Variants in RPN1 observed in about 807,000 individuals in gnomAD.
RPN1 encodes the protein dolichyl-diphosphooligosaccharide--protein glycosyltransferase subunit 1.
Under a neutral mutation model 55.5 loss-of-function variants are expected in RPN1, and 12 were observed. That is an observed-to-expected ratio of 0.22 (90% CI 0.14 to 0.35). The LOEUF is 0.35. RPN1 is among the 10% of genes least tolerant of loss of function. The pLI is 1.00. For synonymous variants in RPN1, 317 were observed against 305.9 expected (o/e 1.04, Z -0.38); for missense variants, 679 against 761.3 (o/e 0.89, Z 1.27).
At position 128,632,052 on chromosome 3, in the gene RPN1, T is replaced by G. The variant is rs1281923715; in HGVS notation, c.739A>C (p.Asn247His). 6.2e-7 allele frequency: 1 copy of G among 1,614,064 alleles called. No individual in the cohort carries two copies. Among genetic ancestry groups the G allele is most frequent in the African/African-American group, 1.3e-5 (1 of 74,914 alleles). Residue 247 changes from asparagine (N) to histidine (H), a missense_variant, in exon 4 of 10, where the codon AAT (asparagine) becomes CAT (histidine). Physicochemically the swap from Asn to His is moderately conservative, Grantham distance 68. This residue lies in a region of RPN1 where 352 missense variants were observed against 352.8 expected (regional missense o/e 1.00). Transcript: ENST00000296255. ...GCTCCTGTGTGCTTTAAGTCCACAT[T>G]TTCTTCCACAGCAATATTACCCCAG... ...SHWGNIAVEE[N>H]VDLKHTGAVL...
At chr3:128,633,969 C>T (rs868847865) in intron 3 of RPN1, among the ~76,000 whole-genome samples, 8 of 149,636 alleles carry the variant, frequency 5.3e-5, no homozygotes. Flanking sequence ...GGCAACAGAG[C>T]GAGACTGTCT....
intron 2 of RPN1, among the ~76,000 whole-genome samples, chr3:128,641,733 C>A (rs934527535): frequency 2.0e-5 from 3 of 151,754 alleles, no homozygotes; most frequent in Admixed American, 2.0e-4. Context: ...CTCAGCCTCC[C>A]GAGTAGCTGG....
chr3:128,626,538 A>G (rs911430361), intron 6 of RPN1, among the ~76,000 whole-genome samples, 195 bp downstream of exon 6: 2 of 152,152 alleles, frequency 1.3e-5, no homozygotes, highest in Admixed American at 6.6e-5. Context: ...ACAGGAAGAA[A>G]ATCAAGGGGT....
At chr3:128,648,016 T>C (rs527700212) in intron 1 of RPN1, among the ~76,000 whole-genome samples, 1 of 152,238 alleles carries the variant, frequency 6.6e-6, no homozygotes, top group Non-Finnish European at 1.5e-5. Flanking sequence ...CCCAGCACTT[T>C]GGGAGGCCGA....
At chr3:128,643,719 C>G (rs555249107) in intron 2 of RPN1, among the ~76,000 whole-genome samples, 1 of 151,468 alleles carries the variant, frequency 6.6e-6, no homozygotes, top group African/African-American at 2.4e-5. Context: ...CACTTGAACC[C>G]GGGAGGAGGA....
intron 2 of RPN1, among the ~76,000 whole-genome samples, chr3:128,639,922 T>C (rs969421651): frequency 6.6e-6 from 1 of 152,098 alleles, no homozygotes; most frequent in African/African-American, 2.4e-5. Context: ...ATCATCCTCA[T>C]ATCAAGAAAA....
intron 3 of RPN1, among the ~76,000 whole-genome samples, chr3:128,635,644 T>TATAG (rs1316882114): frequency 0.011 from 877 of 76,306 alleles, 15 homozygotes; most frequent in African/African-American, 0.043. Flanking sequence ...TATATAGATA[T>TATAG]ATATATATAT....
At chr3:128,636,402 G>A (rs577213484) in intron 3 of RPN1, among the ~76,000 whole-genome samples, 10 of 151,752 alleles carry the variant, frequency 6.6e-5, no homozygotes, top group African/African-American at 1.5e-4. Flanking sequence ...CAGAGGTTGC[G>A]GTTAGCTGAG....
chr3:128,635,665 AGATATC>A (rs1428728080), intron 3 of RPN1, among the ~76,000 whole-genome samples: 7 of 119,406 alleles, frequency 5.9e-5, no homozygotes, highest in African/African-American at 2.1e-4. Flanking sequence ...ATATATATAT[AGATATC>A]TATAGATATC....
At chr3:128,642,184 T>G (rs1470631781) in intron 2 of RPN1, 1 of 152,202 alleles carries the variant, frequency 6.6e-6, no homozygotes, top group Admixed American at 6.5e-5. Flanking sequence ...TAATAGCGAC[T>G]TATTTAAAGC....
intron 8 of RPN1, among the ~76,000 whole-genome samples, chr3:128,623,538 G>A (rs1398069098): frequency 3.4e-5 from 4 of 115,946 alleles, no homozygotes; most frequent in South Asian, 2.8e-4. Context: ...ACTCTGTCTC[G>A]AGAAAAAAAA....
At chr3:128,634,088 G>A (rs574014793) in intron 3 of RPN1, among the ~76,000 whole-genome samples, 33 of 152,132 alleles carry the variant, frequency 2.2e-4, no homozygotes, top group African/African-American at 6.3e-4. Flanking sequence ...CACTTTGGGA[G>A]GCCAAAGTGG....
intron 3 of RPN1, among the ~76,000 whole-genome samples, chr3:128,635,957 A>T (rs1213762422): frequency 6.6e-6 from 1 of 151,912 alleles, no homozygotes; most frequent in Non-Finnish European, 1.5e-5. Context: ...AACTTGTTAT[A>T]TATGATTTTG....
In RPN1 at chr3:128,650,683, C is replaced by T; in HGVS notation, c.118G>A (p.Val40Met). Reference protein sequence around the residue: ...PLINEDVKRTVDLSSHLAKVT... With the variant: ...PLINEDVKRTMDLSSHLAKVT... ...TTAGCCAGGTGGCTGCTTAGGTCCACTGTGCGCTTCACGTCCTCATTGATC... is the reference window on the plus strand; with the variant it reads ...TTAGCCAGGTGGCTGCTTAGGTCCATTGTGCGCTTCACGTCCTCATTGATC... The change falls in exon 1 of 10, where the codon GTG becomes ATG. Residue 40 changes from valine (V) to methionine (M), a missense_variant. Around this residue, in one of 3 missense-constraint regions of RPN1, gnomAD observed 352 missense variants for 352.8 expected, o/e 1.00. Coordinates refer to ENST00000296255, the MANE Select transcript of RPN1 (RefSeq NM_002950.4). 1.3e-6 allele frequency: 2 copies of T among 1,572,764 alleles called. No homozygotes were observed. The highest frequency in any genetic ancestry group is 1.7e-6 in the Non-Finnish European group (2 of 1,159,060).
rs540328459 is a variant in RPN1 at position 128,647,080 on chromosome 3, T to A, written c.262-2097A>T. On this transcript the variant is annotated intron_variant, in intron 1 of 9. Transcript: ENST00000296255. ...ACAAGATACATAACCAGGAAAAGGA[T>A]GTTCACTCCAGCAGGCTGCAGGGGT... Among the ~76,000 whole-genome samples, 4 of 151,912 alleles carry A rather than the reference T, an allele frequency of 2.6e-5. No individual in the cohort carries two copies. In the South Asian group the frequency reaches 8.3e-4, roughly 32 times the overall value.
intron 1 of RPN1, among the ~76,000 whole-genome samples, chr3:128,649,544 G>T (rs986300877): frequency 1.3e-5 from 2 of 152,168 alleles, no homozygotes; most frequent in Non-Finnish European, 2.9e-5. Context: ...TCCATATTCA[G>T]TCAGAGAACG....
intron 9 of RPN1, among the ~76,000 whole-genome samples, chr3:128,620,838 C>A (rs1227779032): frequency 1.3e-5 from 2 of 152,328 alleles, no homozygotes; most frequent in African/African-American, 4.8e-5. Context: ...TGCACCATCC[C>A]TGGGCCTCAT....
intron 8 of RPN1, among the ~76,000 whole-genome samples, chr3:128,622,969 A>G (rs1362857304): frequency 4.6e-5 from 7 of 152,180 alleles, no homozygotes; most frequent in Non-Finnish European, 1.0e-4. Flanking sequence ...AGATGTGAAC[A>G]AGGATGATAA....
intron 4 of RPN1, among the ~76,000 whole-genome samples, chr3:128,631,338 C>T (rs1218408725): frequency 2.6e-5 from 4 of 151,232 alleles, no homozygotes; most frequent in Non-Finnish European, 5.9e-5. Context: ...ATTAGCCAGG[C>T]TTGGTGGTGC....
Sources: allele counts gnomAD v4.1 joint callset (sites outside exome capture counted in the v4.1 genomes callset), GRCh38; gene constraint gnomAD v4.1.1; regional missense constraint gnomAD v4.1.1; transcripts MANE v1.5; gene names NCBI Gene and HGNC (gene_info 2026-07-23, HGNC 2026-07-21).